ESRRB: variants seen among roughly 807,000 people sequenced by gnomAD.
ESRRB encodes the protein steroid hormone receptor ERR2.
ESRRB carries 16 observed loss-of-function variants against 46.0 expected under a neutral mutation model. The ratio of observed to expected loss-of-function variants is 0.35; its 90% CI spans 0.24 to 0.53. The LOEUF (loss-of-function observed/expected upper bound fraction) is 0.53, where lower values mean the gene tolerates loss of function less well. Among genes scored for constraint, ESRRB ranks in the 20% least tolerant of loss-of-function variants. ESRRB has a pLI of 0.93. For synonymous variants in ESRRB, 246 were observed against 259.6 expected (o/e 0.95, Z 0.50); for missense variants, 488 against 607.4 (o/e 0.80, Z 2.07).
At chr14:76,490,896 A>T (rs535643316) in intron 5 of ESRRB, among the ~76,000 whole-genome samples, 35 of 152,278 alleles carry the variant, frequency 2.3e-4, no homozygotes, top group African/African-American at 8.2e-4. Context: ...GGCTATGGTC[A>T]CTGGGGCCTT....
At chr14:76,429,849 A>G (rs1022549463) in intron 1 of ESRRB, among the ~76,000 whole-genome samples, 1 of 150,186 alleles carries the variant, frequency 6.7e-6, no homozygotes, top group Non-Finnish European at 1.5e-5. Flanking sequence ...TTTAAGTTTT[A>G]TGTGTGTGTG....
chr14:76,491,684 TG>T lies in ESRRB; in HGVS notation c.1089del (p.Thr364ArgfsTer18). Reference sequence around the variant, plus strand: ...CTCAAGGTGGAGAAGGAGGAGTTTGTGACGCTCAAGGCCCTGGCCCTCGCCA... The same window carrying T: ...CTCAAGGTGGAGAAGGAGGAGTTTGTACGCTCAAGGCCCTGGCCCTCGCCA... Reference protein sequence around the residue: ...KKLKVEKEEFVTLKALALANS... With the variant: ...KKLKVEKEEFXTLKALALANS... On this transcript the variant is annotated frameshift_variant, in exon 6 of 7. Coordinates refer to ENST00000644823, the MANE Select transcript of ESRRB (RefSeq NM_001379180.1). LOFTEE classifies it high-confidence loss of function. The T allele has an allele frequency of 6.3e-7, 1 of 1,585,962 alleles. No individual in the cohort carries two copies. Among genetic ancestry groups the T allele is most frequent in the East Asian group, 2.3e-5 (1 of 44,052 alleles).
At chr14:76,391,101 A>G (rs932771916) in intron 1 of ESRRB, among the ~76,000 whole-genome samples, 4 of 152,166 alleles carry the variant, frequency 2.6e-5, no homozygotes, top group African/African-American at 7.2e-5. Flanking sequence ...GCCAATCCCG[A>G]GTTGGATCAC....
chr14:76,346,860 A>G (rs539391527), intron 1 of ESRRB, among the ~76,000 whole-genome samples: 4 of 152,326 alleles, frequency 2.6e-5, no homozygotes, highest in African/African-American at 9.6e-5. Flanking sequence ...TCTGTGGATT[A>G]TAGACACCAC....
upstream of ESRRB, among the ~76,000 whole-genome samples, chr14:76,370,513 G>T (rs1884597760): frequency 6.6e-6 from 1 of 152,182 alleles, no homozygotes; most frequent in African/African-American, 2.4e-5. Flanking sequence ...ACAATCCACT[G>T]TAATGGAAAA....
intron 3 of ESRRB, among the ~76,000 whole-genome samples, chr14:76,479,113 T>C (rs1889699907): frequency 2.0e-5 from 3 of 152,154 alleles, no homozygotes; most frequent in Admixed American, 2.0e-4. Context: ...TTTTGAGGCA[T>C]CTAACAAGCC....
At position 76,317,332 on chromosome 14, in the gene ESRRB, G is replaced by A. The variant is rs190346358; in HGVS notation, c.2+6416G>A. On this transcript the variant is annotated intron_variant, in intron 1 of 6. Transcript: ENST00000512784. Reference sequence around the variant, plus strand: ...GCTCTGTGTGTGTGTGTGTGTGTGTGTGTGTGTGTGTGTGTGTGTGTGTGT... The same window carrying A: ...GCTCTGTGTGTGTGTGTGTGTGTGTATGTGTGTGTGTGTGTGTGTGTGTGT... Among the ~76,000 whole-genome samples the A allele has an allele frequency of 5.9e-4, 90 of 151,372 alleles. 1 individual carries two copies. Among genetic ancestry groups the A allele is most frequent in the African/African-American group, 1.4e-3 (58 of 41,032 alleles).
Position 76,376,713 on chromosome 14 carries a change from C to T in ESRRB, c.50+262C>T, listed in dbSNP as rs973868747. ...TGGCGCTTTCTCATGCACTTTCTCC[C>T]TTTCTCTCTCCTCTCTGATCTTGCT... is the stretch of plus-strand genomic sequence containing the variant. On this transcript the variant is annotated intron_variant, in intron 1 of 6. Coordinates refer to ENST00000644823, the MANE Select transcript of ESRRB (RefSeq NM_001379180.1). This position sits in a 1 kb window ranked among gnomAD's most constrained non-coding sequence, Gnocchi z 4.1. Among the ~76,000 whole-genome samples, 5 of 152,182 alleles carry T rather than the reference C, an allele frequency of 3.3e-5. No homozygotes were observed. In the South Asian group the frequency reaches 8.3e-4, roughly 25 times the overall value.
intron 1 of ESRRB, among the ~76,000 whole-genome samples, chr14:76,332,264 A>G (rs1029693211): frequency 1.3e-5 from 2 of 150,514 alleles, no homozygotes; most frequent in Non-Finnish European, 2.9e-5. Context: ...TCCAGTGGAA[A>G]TGCAATGCAA....
intron 1 of ESRRB, among the ~76,000 whole-genome samples, chr14:76,395,377 G>A (rs1035109476): frequency 1.3e-5 from 2 of 152,198 alleles, no homozygotes; most frequent in African/African-American, 2.4e-5. Flanking sequence ...CTCCCCGGGG[G>A]CTGCAGCGGG....
intron 1 of ESRRB, among the ~76,000 whole-genome samples, chr14:76,410,114 C>T (rs545200801): frequency 6.6e-6 from 1 of 152,112 alleles, no homozygotes; most frequent in African/African-American, 2.4e-5. Flanking sequence ...TTCCCAGCTA[C>T]TCAGGAGGCT....
At chr14:76,381,164 C>A (rs1453993883) in intron 1 of ESRRB, among the ~76,000 whole-genome samples, 1 of 152,116 alleles carries the variant, frequency 6.6e-6, no homozygotes, top group African/African-American at 2.4e-5. Context: ...GGGATTATAT[C>A]CTTTTAGCCC....
intron 1 of ESRRB, among the ~76,000 whole-genome samples, chr14:76,387,376 C>T (rs908148457): frequency 8.5e-5 from 13 of 152,198 alleles, no homozygotes; most frequent in East Asian, 1.9e-4. Flanking sequence ...GGCACTGCAC[C>T]CCATGGGTGA....
intron 1 of ESRRB, among the ~76,000 whole-genome samples, chr14:76,322,826 C>A (rs539622129): frequency 5.3e-5 from 8 of 152,188 alleles, no homozygotes; most frequent in Non-Finnish European, 1.2e-4. Flanking sequence ...TTTATCTCCA[C>A]GCAATCCGCC....
intron 1 of ESRRB, among the ~76,000 whole-genome samples, chr14:76,416,092 C>T (rs1886686207): frequency 6.6e-6 from 1 of 151,714 alleles, no homozygotes; most frequent in African/African-American, 2.4e-5. Flanking sequence ...TCCATACATA[C>T]CCTTTTTACA....
intron 1 of ESRRB, among the ~76,000 whole-genome samples, chr14:76,360,648 C>T (rs531903450): frequency 1.3e-5 from 2 of 152,282 alleles, no homozygotes; most frequent in South Asian, 4.2e-4. Context: ...AGGAGAGAGG[C>T]TCCCTCTCTC....
intron 5 of ESRRB, among the ~76,000 whole-genome samples, chr14:76,489,480 C>CACACACACACACACACACACACACA (rs1890138576): frequency 2.7e-5 from 4 of 150,798 alleles, no homozygotes; most frequent in South Asian, 2.1e-4. Context: ...CACACACACA[C>CACACACACACACACACACACACACA]CCTGATCCCC....
chr14:76,449,183 T>C (rs1888277189), intron 2 of ESRRB, among the ~76,000 whole-genome samples: 1 of 152,194 alleles, frequency 6.6e-6, no homozygotes, highest in Admixed American at 6.5e-5. Context: ...CCACAATGTA[T>C]CAGGTACATA....
chr14:76,391,805 G>A (rs558348446), intron 1 of ESRRB, among the ~76,000 whole-genome samples: 1 of 152,318 alleles, frequency 6.6e-6, no homozygotes, highest in Admixed American at 6.5e-5. Context: ...CTGTCCAAGA[G>A]TGCCTGGTTG....
Sources: gnomAD v4.1 joint callset for allele counts (sites outside exome capture counted in the v4.1 genomes callset) on GRCh38, gnomAD v4.1.1 for gene constraint, Gnocchi (gnomAD v3.1) non-coding constraint, MANE v1.5 for transcripts, NCBI Gene and HGNC (gene_info 2026-07-23, HGNC 2026-07-21) for gene names.